The following RNF2 variants were observed in gnomAD, a reference collection of about 807,000 sequenced individuals.
RNF2 encodes E3 ubiquitin-protein ligase RING2.
Under a neutral mutation model 37.2 loss-of-function variants are expected in RNF2, and 6 were observed. The observed-to-expected ratio is 0.16, with a 90% CI of 0.09 to 0.32. The LOEUF is 0.32. Among genes scored for constraint, RNF2 ranks in the 10% least tolerant of loss-of-function variants. RNF2 has a pLI of 1.00. For synonymous variants in RNF2, 133 were observed against 132.7 expected (o/e 1.00, Z -0.02); for missense variants, 251 against 404.0 (o/e 0.62, Z 3.25).
chr1:185,062,709 C>G (rs1650646781), intron 1 of RNF2, among the ~76,000 whole-genome samples: 1 of 151,802 alleles, frequency 6.6e-6, no homozygotes, highest in Non-Finnish European at 1.5e-5. Context: ...AAAATTAACA[C>G]TCATGACAGA....
At chr1:185,081,974 G>C (rs1651425597) in intron 1 of RNF2, among the ~76,000 whole-genome samples, 1 of 152,142 alleles carries the variant, frequency 6.6e-6, no homozygotes, top group South Asian at 2.1e-4. Flanking sequence ...AAGTGCTTTG[G>C]AGCTTTGGAA....
chr1:185,081,100 G>A (rs1651335211), intron 1 of RNF2, among the ~76,000 whole-genome samples: 1 of 152,162 alleles, frequency 6.6e-6, no homozygotes, highest in South Asian at 2.1e-4. Context: ...TGCGGTTTTG[G>A]ACTGTGAATT....
intron 2 of RNF2, among the ~76,000 whole-genome samples, chr1:185,088,440 C>T (rs1307863076): frequency 6.6e-6 from 1 of 151,930 alleles, no homozygotes; most frequent in Non-Finnish European, 1.5e-5. Flanking sequence ...CCTGTAGTTG[C>T]AGCTACTTGG....
intron 1 of RNF2, among the ~76,000 whole-genome samples, chr1:185,070,140 A>G (rs1323554943): frequency 1.3e-5 from 2 of 152,238 alleles, no homozygotes; most frequent in Non-Finnish European, 2.9e-5. Flanking sequence ...TTGAAATAAT[A>G]GAGAAGATGA....
intron 1 of RNF2, among the ~76,000 whole-genome samples, chr1:185,067,602 G>C (rs1373080034): frequency 6.6e-6 from 1 of 151,784 alleles, no homozygotes; most frequent in Non-Finnish European, 1.5e-5. Flanking sequence ...GAGAGAGAAG[G>C]CATCTTAGTT....
chr1:185,090,245 C>T (rs1651730205), intron 2 of RNF2, among the ~76,000 whole-genome samples: 2 of 152,134 alleles, frequency 1.3e-5, no homozygotes, highest in African/African-American at 4.8e-5. Flanking sequence ...TTTAGTTACA[C>T]CAAGGTGGTT....
rs531145856 is a variant in RNF2 at position 185,069,228 on chromosome 1, G to T, written c.-2-18324G>T. Reference sequence around the variant, plus strand: ...AGCACTTTGCAAGGCCAAGGTTGGCGGATTGCTTAAGCCCAGGAGTTCGAA... The same window carrying T: ...AGCACTTTGCAAGGCCAAGGTTGGCTGATTGCTTAAGCCCAGGAGTTCGAA... On this transcript the variant is annotated intron_variant, in intron 1 of 6. Coordinates refer to ENST00000367510, the MANE Select transcript of RNF2 (RefSeq NM_007212.4). Among the ~76,000 whole-genome samples, 13 of 152,192 alleles carry T rather than the reference G, an allele frequency of 8.5e-5. No individual in the cohort carries two copies. The East Asian group carries it at 2.3e-3, about 27-fold the overall frequency.
chr1:185,061,930 G>A (rs1244024044), intron 1 of RNF2, among the ~76,000 whole-genome samples: 1 of 152,220 alleles, frequency 6.6e-6, no homozygotes, highest in Non-Finnish European at 1.5e-5. Flanking sequence ...TAAGTGACCA[G>A]CCCTGTGGTT....
rs1381261462 is a variant in RNF2, at chr1:185,093,137, CTCA to C, written c.329_331del (p.Ile110del). 6.2e-7 allele frequency: 1 copy of C among 1,613,860 alleles called. No individual in the cohort carries two copies. The highest frequency in any genetic ancestry group is 8.5e-7 in the Non-Finnish European group (1 of 1,179,946). On this transcript the variant is annotated inframe_deletion, in exon 4 of 7. Transcript: ENST00000367510. ...AAGGCCAGACCCAAACTTTGATGCA[CTCA>C]TCAGCAAAATTTATCCAAGTCGTGA... is the stretch of plus-strand genomic sequence containing the variant.
At chr1:185,058,315 G>T (rs115593466) in intron 1 of RNF2, among the ~76,000 whole-genome samples, 3 of 152,124 alleles carry the variant, frequency 2.0e-5, no homozygotes, top group Non-Finnish European at 4.4e-5. Flanking sequence ...TTTGGTGTCT[G>T]TGGTGTGCGG....
intron 5 of RNF2, 147 bp from the exon 6 acceptor site, chr1:185,099,644 G>A (rs1571330538): frequency 1.5e-6 from 1 of 664,468 alleles, no homozygotes. Context: ...AGATTGTAGA[G>A]CAGTAAATTT....
chr1:185,085,852 A>C (rs950121415), intron 1 of RNF2, among the ~76,000 whole-genome samples: 1 of 151,964 alleles, frequency 6.6e-6, no homozygotes, highest in Non-Finnish European at 1.5e-5. Context: ...CGGTTTCACC[A>C]TGTTGGCCAG....
At chr1:185,079,094 T>C (rs992656500) in intron 1 of RNF2, among the ~76,000 whole-genome samples, 5 of 151,776 alleles carry the variant, frequency 3.3e-5, no homozygotes, top group Non-Finnish European at 7.4e-5. Flanking sequence ...TTTTTTTTTT[T>C]CGGATTTATT....
intron 1 of RNF2, among the ~76,000 whole-genome samples, chr1:185,063,836 C>G (rs1331639037): frequency 6.6e-6 from 1 of 152,160 alleles, no homozygotes; most frequent in Admixed American, 6.5e-5. Flanking sequence ...TTAGATTGCT[C>G]TCTTGGACTA....
chr1:185,078,883 A>G (rs1651255449), intron 1 of RNF2, among the ~76,000 whole-genome samples: 4 of 152,148 alleles, frequency 2.6e-5, no homozygotes, highest in Admixed American at 2.6e-4. Flanking sequence ...CGTCTCTACT[A>G]AAATACAAAA....
intron 1 of RNF2, among the ~76,000 whole-genome samples, chr1:185,049,502 T>A (rs926462809): frequency 6.6e-6 from 1 of 152,188 alleles, no homozygotes; most frequent in Admixed American, 6.5e-5. Flanking sequence ...ATAGTTTTTA[T>A]GAAATAACCC....
At chr1:185,072,225 T>C (rs147219456) in intron 1 of RNF2, among the ~76,000 whole-genome samples, 33 of 152,168 alleles carry the variant, frequency 2.2e-4, no homozygotes, top group Non-Finnish European at 4.7e-4. Context: ...CTGTGAAGAA[T>C]ATCTGGACTC....
Position 185,098,351 on chromosome 1 carries a change from G to A in RNF2, c.737+7G>A. On this transcript the variant is annotated splice_region_variant and intron_variant, in intron 5 of 6. Coordinates refer to ENST00000367510, the MANE Select transcript of RNF2 (RefSeq NM_007212.4). ...ATGACAGTGCACAGACGAGGTAAGT[G>A]TGTGGATTAGTTTCAGATTATCTAA... The A allele has an allele frequency of 6.2e-7, 1 of 1,610,586 alleles. No homozygotes were observed. Among genetic ancestry groups the A allele is most frequent in the Non-Finnish European group, 8.5e-7 (1 of 1,177,340 alleles).
chr1:185,088,722 C>T (rs1397632321), intron 2 of RNF2, among the ~76,000 whole-genome samples: 1 of 152,134 alleles, frequency 6.6e-6, no homozygotes, highest in Non-Finnish European at 1.5e-5. Flanking sequence ...TTCAAGCAAC[C>T]ACAACTGAAA....
Sources: gnomAD v4.1 joint callset for allele counts (sites outside exome capture counted in the v4.1 genomes callset) on GRCh38, gnomAD v4.1.1 for gene constraint, MANE v1.5 for transcripts, NCBI Gene and HGNC (gene_info 2026-07-23, HGNC 2026-07-21) for gene names.